RGN: variants seen among roughly 807,000 people sequenced by gnomAD.
RGN encodes the protein regucalcin.
A neutral mutation model predicts 20.6 loss-of-function variants in RGN; 19 were observed. The observed-to-expected ratio is 0.92, with a 90% CI of 0.64 to 1.35. The LOEUF is 1.35. Ranked by LOEUF, RGN falls within the 40% of genes most tolerant of loss-of-function variation. The pLI, the probability that RGN is intolerant of heterozygous loss-of-function variation, is 0.00. For missense variants in RGN, 302 were observed against 232.7 expected (o/e 1.30, Z -1.94); for synonymous variants, 85 against 87.2 (o/e 0.97, Z 0.14).
intron 5 of RGN, among the ~76,000 whole-genome samples, chrX:47,090,944 G>GAA (rs369434723): frequency 0.011 from 417 of 38,183 alleles, 47 homozygotes; most frequent in African/African-American, 0.026. Flanking sequence ...AAGAAAGAAA[G>GAA]AAAGAAAGAA....
At position 47,091,859 on chromosome X, in the gene RGN, T is replaced by C. The variant is rs201459962; in HGVS notation, c.694+50T>C. On this transcript the variant is annotated intron_variant, in intron 6 of 7. Transcript: ENST00000397180. ...TCCTTGTCATGGCTAGGCAGAGATATAGCCCGAAAGTTACAGTCAGAATTT... is the reference window on the plus strand; with the variant it reads ...TCCTTGTCATGGCTAGGCAGAGATACAGCCCGAAAGTTACAGTCAGAATTT... 75 of 1,167,233 alleles carry C rather than the reference T, an allele frequency of 6.4e-5. No homozygotes were observed. The Admixed American group carries it at 8.0e-4, about 12-fold the overall frequency.
Position 47,090,952 on chromosome X carries a change from G to GGAAGAAGGAAGGAAAGAA in RGN, c.563-726_563-725insGAAGAAGGAAGGAAAGAA, listed in dbSNP as rs1930970418. The stretch of plus-strand genomic sequence containing the variant: ...AGAAAGAAAGAAAGAAAGAAAGAAA[G>GGAAGAAGGAAGGAAAGAA]AAAGAAAGAAAGAAAGAAAGAAAGA... On this transcript the variant is annotated intron_variant, in intron 5 of 7. Transcript: ENST00000397180. Among the ~76,000 whole-genome samples, 2 of 51,825 alleles carry GGAAGAAGGAAGGAAAGAA rather than the reference G, an allele frequency of 3.9e-5. 1 individual carries two copies. The highest frequency in any genetic ancestry group is 8.7e-5 in the Non-Finnish European group (2 of 22,946). 45.0% of individuals were successfully genotyped at this position (51,825 alleles called of 115,157 possible). A position where few individuals can be genotyped will look rare whatever the true frequency, so the allele number is the denominator to read the frequency against.
At chrX:47,082,189 T>G (rs1556381754) in intron 3 of RGN, among the ~76,000 whole-genome samples, 2 of 111,178 alleles carry the variant, frequency 1.8e-5, no homozygotes, top group Non-Finnish European at 1.9e-5. Context: ...ATAGGCTTAA[T>G]GTAATTACTG....
chrX:47,082,774 GA>G (rs1488851856), intron 3 of RGN, among the ~76,000 whole-genome samples: 4 of 110,485 alleles, frequency 3.6e-5, no homozygotes, highest in Admixed American at 2.9e-4. Context: ...CCTGTGATCT[GA>G]AAAGCCCGCC....
At chrX:47,090,148 C>G (rs1556386974) in intron 5 of RGN, among the ~76,000 whole-genome samples, 157 bp downstream of exon 5, 3 of 111,379 alleles carry the variant, frequency 2.7e-5, no homozygotes, top group Non-Finnish European at 5.7e-5. Flanking sequence ...ACAGCACAGA[C>G]TTGACTGTGC....
At chrX:47,088,940 A>G (rs1194297695) in intron 4 of RGN, among the ~76,000 whole-genome samples, 2 of 65,777 alleles carry the variant, frequency 3.0e-5, no homozygotes, top group Non-Finnish European at 6.5e-5. Flanking sequence ...CCAAAAAAAA[A>G]AAAAAAAGAA....
intron 1 of RGN, among the ~76,000 whole-genome samples, chrX:47,079,730 C>T (rs1438401852): frequency 9.0e-6 from 1 of 111,220 alleles, no homozygotes; most frequent in Non-Finnish European, 1.9e-5. Flanking sequence ...CATGCCCGGC[C>T]TGTGTTTCTT....
At chrX:47,092,684 T>C (rs1931065953) in intron 7 of RGN, among the ~76,000 whole-genome samples, 3 of 112,267 alleles carry the variant, frequency 2.7e-5, no homozygotes, top group Admixed American at 1.9e-4. Context: ...GTTTTAAATC[T>C]AAGTTAGTCG....
chrX:47,082,009 C>A (rs1556381668), intron 3 of RGN, among the ~76,000 whole-genome samples: 1 of 112,261 alleles, frequency 8.9e-6, no homozygotes, highest in Admixed American at 9.5e-5. Context: ...TGCCTCTCTT[C>A]CTTGAAAGTG....
At chrX:47,083,080 T>TA (rs781959761) in intron 3 of RGN, among the ~76,000 whole-genome samples, 1,328 of 110,581 alleles carry the variant, frequency 0.012, 11 homozygotes, top group Non-Finnish European at 0.019. Flanking sequence ...TCTCTCCACT[T>TA]AAAAAAATAA....
chrX:47,084,335 A>C, intron 3 of RGN, 83 bp from the exon 4 acceptor site: 1 of 869,762 alleles, frequency 1.1e-6, no homozygotes, highest in Non-Finnish European at 1.6e-6. Flanking sequence ...TCCCGCTCTA[A>C]GAGATGCCAG....
chrX:47,081,196 G>A lies in RGN; in HGVS notation c.52G>A (p.Glu18Lys), dbSNP rs1556381145. 8.3e-7 allele frequency: 1 copy of A among 1,205,346 alleles called. No homozygotes were observed. Residue 18 changes from glutamate to lysine, a missense_variant, in exon 3 of 8, where the codon GAG (glutamate) becomes AAG (lysine). Transcript: ENST00000397180. ...CVLPENCRCG[E>K]SPVWEEVSNS... ...TTTGCCAGAGAACTGCCGGTGTGGT[G>A]AGTCTCCAGTATGGGAGGAAGTGTC...
chrX:47,091,594 T>C (rs1462051534), intron 5 of RGN, 84 bp from the exon 6 acceptor site: 9 of 1,055,590 alleles, frequency 8.5e-6, no homozygotes, highest in Non-Finnish European at 1.0e-5. Flanking sequence ...ATAACCAGCT[T>C]GAGAGCTCTC....
rs1556386565 is a variant in RGN at position 47,089,826 on chromosome X, G to A, written c.397G>A (p.Ala133Thr). Residue 133 changes from alanine (A) to threonine (T), a missense_variant, in exon 5 of 8, where the codon GCC becomes ACC. Physicochemically the swap from Ala to Thr is moderately conservative, Grantham distance 58. Transcript: ENST00000397180. ...APAVLERHQGALYSLFPDHHV... is the reference protein window; with the variant it reads ...APAVLERHQGTLYSLFPDHHV... ...AGCAGTTCTTGAGCGGCACCAGGGG[G>A]CCCTGTACTCCCTCTTTCCTGATCA... 1.7e-6 allele frequency: 2 copies of A among 1,208,153 alleles called. No homozygotes were observed. The highest frequency in any genetic ancestry group is 2.2e-6 in the Non-Finnish European group (2 of 894,425).
In RGN at chrX:47,080,527, GA is replaced by G. The variant is rs1226741347; in HGVS notation, c.-421del. 8.9e-6 allele frequency: 1 copy of G among 112,382 alleles called. No individual in the cohort carries two copies. The highest frequency in any genetic ancestry group is 3.2e-5 in the African/African-American group (1 of 30,877). 9.3% of individuals were successfully genotyped at this position (112,382 alleles called of 1,213,427 possible). A position where few individuals can be genotyped will look rare whatever the true frequency, so the allele number is the denominator to read the frequency against. On this transcript the variant is annotated 5_prime_UTR_variant, in exon 2 of 8. The change creates a new upstream start codon in the 5' untranslated region. Coordinates refer to ENST00000397180, the MANE Select transcript of RGN (RefSeq NM_152869.4). ...TCCACTCCTTCCATGGTCTGCGTTGGAAAATGTGTGTTAGTTCGAATTCAGC... is the reference window on the plus strand; with the variant it reads ...TCCACTCCTTCCATGGTCTGCGTTGGAAATGTGTGTTAGTTCGAATTCAGC...
rs1455887769 is a variant in RGN, at chrX:47,080,879, G to A, written c.-73G>A. ...GGGTCACAAACACCAAGGAGTGGAG[G>A]TCAGAGTGTCACTTTTTTGTTTTCT... On this transcript the variant is annotated 5_prime_UTR_variant, in exon 2 of 8. Coordinates refer to ENST00000397180, the MANE Select transcript of RGN (RefSeq NM_152869.4). 4 of 309,047 alleles carry A rather than the reference G, an allele frequency of 1.3e-5. No individual in the cohort carries two copies. The highest frequency in any genetic ancestry group is 2.2e-5 in the Non-Finnish European group (4 of 178,083). The allele number at this position is 309,047 out of a possible 1,213,427, so 25.5% of individuals were successfully genotyped here.
intron 3 of RGN, among the ~76,000 whole-genome samples, chrX:47,083,801 A>G (rs1480810555): frequency 5.4e-5 from 6 of 110,197 alleles, no homozygotes; most frequent in Non-Finnish European, 1.1e-4. Context: ...AATCCCAGCT[A>G]CTCAGGAGGC....
At chrX:47,081,034 G>A in intron 2 of RGN, 96 bp from the exon 3 acceptor site, 1 of 587,799 alleles carries the variant, frequency 1.7e-6, no homozygotes, top group Non-Finnish European at 2.9e-6. Flanking sequence ...CTCTGATCTG[G>A]GGGAAGTGTA....
Position 47,092,893 on chromosome X carries a change from A to G in RGN, c.850-4A>G. 1.7e-6 allele frequency: 2 copies of G among 1,202,127 alleles called. No homozygotes were observed. Among genetic ancestry groups the G allele is most frequent in the Non-Finnish European group, 2.3e-6 (2 of 887,359 alleles). ...CTGAGATTCCCTCTTTTCTTTTTCA[A>G]CAGATAACTGGTCTGGGGGTCAAAG... On this transcript the variant is annotated splice_region_variant and splice_polypyrimidine_tract_variant and intron_variant, in intron 7 of 7. Transcript: ENST00000397180.
Sources: gnomAD v4.1 joint callset for allele counts (sites outside exome capture counted in the v4.1 genomes callset) on GRCh38, gnomAD v4.1.1 for gene constraint, MANE v1.5 for transcripts, NCBI Gene and HGNC (gene_info 2026-07-23, HGNC 2026-07-21) for gene names.